Variants in REV3L observed in about 807,000 individuals in gnomAD.
REV3L encodes DNA polymerase zeta catalytic subunit.
A neutral mutation model predicts 299.4 loss-of-function variants in REV3L; 69 were observed. That is an observed-to-expected ratio of 0.23 (90% CI 0.19 to 0.28). REV3L has a LOEUF of 0.28. Ranked by LOEUF, REV3L falls within the 10% of genes least tolerant of loss-of-function variation. The probability of loss-of-function intolerance (pLI) is 1.00; values close to 1 mark genes in which losing one functional copy is unlikely to be tolerated. For synonymous variants in REV3L, 1,238 were observed against 1,271.4 expected (o/e 0.97, Z 0.56); for missense variants, 3,128 against 3,693.8 (o/e 0.85, Z 3.97).
At chr6:111,395,020 G>A (rs1782344016) in intron 4 of REV3L, among the ~76,000 whole-genome samples, 1 of 152,082 alleles carries the variant, frequency 6.6e-6, no homozygotes, top group South Asian at 2.1e-4. Context: ...CCAACACCAT[G>A]CTGATTTGGT....
chr6:111,401,437 C>T (rs1783073806), intron 4 of REV3L, among the ~76,000 whole-genome samples: 2 of 152,150 alleles, frequency 1.3e-5, no homozygotes, highest in African/African-American at 4.8e-5. Context: ...AAGTTATTTG[C>T]TCACATACTT....
intron 1 of REV3L, among the ~76,000 whole-genome samples, chr6:111,422,649 C>CACATATATATATATACACAT: frequency 4.4e-5 from 1 of 22,506 alleles, no homozygotes; most frequent in Non-Finnish European, 1.1e-4. Flanking sequence ...TATATATATA[C>CACATATATATATATACACAT]ATATATATAT....
Position 111,450,607 on chromosome 6 carries a change from A to AAAAAC in REV3L, c.139+32138_139+32142dup, listed in dbSNP as rs1232618663. Among the ~76,000 whole-genome samples, 3 of 152,134 alleles carry AAAAAC rather than the reference A, an allele frequency of 2.0e-5. No individual in the cohort carries two copies. In the South Asian group the frequency reaches 6.2e-4, roughly 31 times the overall value. On this transcript the variant is annotated intron_variant, in intron 1 of 31. Coordinates refer to ENST00000368802, the MANE Select transcript of REV3L (RefSeq NM_001372078.1). ...GGTAAGTGCTATATACAATTACCAA[A>AAAAAC]AAAACAAAACAAAACAAAAAAGGTA...
rs1779373803 is a variant in REV3L at position 111,367,753 on chromosome 6, G to A, written c.6035C>T (p.Ala2012Val). Residue 2012 changes from alanine to valine, a missense_variant, in exon 14 of 32, where the codon GCC becomes GTC. Ala to Val is a moderately conservative substitution (Grantham distance 64, BLOSUM62 0). Coordinates refer to ENST00000368802, the MANE Select transcript of REV3L (RefSeq NM_001372078.1). ...SRQLVQVWLQAKEEYERSKKL... is the reference protein window; with the variant it reads ...SRQLVQVWLQVKEEYERSKKL... Reference sequence around the variant, plus strand: ...CTTGGAACGTTCGTATTCTTCTTTGGCTTGAAGCCACACTTGAACCAGTTG... The same window carrying A: ...CTTGGAACGTTCGTATTCTTCTTTGACTTGAAGCCACACTTGAACCAGTTG... 6.2e-7 allele frequency: 1 copy of A among 1,614,036 alleles called. No individual in the cohort carries two copies. Among genetic ancestry groups the A allele is most frequent in the Non-Finnish European group, 8.5e-7 (1 of 1,180,030 alleles).
intron 12 of REV3L, 144 bp downstream of exon 12, chr6:111,377,557 G>A (rs1310272192): frequency 1.5e-5 from 12 of 815,136 alleles, no homozygotes; most frequent in Middle Eastern, 3.7e-4. Context: ...GGCTGGTCTC[G>A]AACTCCTGAA....
In REV3L at chr6:111,373,684, T is replaced by C; in HGVS notation, c.4671A>G (p.Pro1557=). 6.2e-7 allele frequency: 1 copy of C among 1,614,010 alleles called. No homozygotes were observed. Among genetic ancestry groups the C allele is most frequent in the Non-Finnish European group, 8.5e-7 (1 of 1,179,988 alleles). ...TQDPLSNKHQ[P]NKNISGSLEH... is the part of the protein sequence containing the mutation. The stretch of plus-strand genomic sequence containing the variant: ...CAAGGGAACCAGAAATATTTTTATT[T>C]GGTTGATGTTTATTGGATAATGGGT... The change falls in exon 13 of 32, where the codon CCA becomes CCG. Residue 1557 remains proline (P), a synonymous_variant. Transcript: ENST00000368802.
intron 1 of REV3L, among the ~76,000 whole-genome samples, chr6:111,457,690 A>G (rs1018233576): frequency 6.6e-6 from 1 of 152,156 alleles, no homozygotes; most frequent in African/African-American, 2.4e-5. Flanking sequence ...AAAGCAGAAC[A>G]AAGCATACAA....
intron 1 of REV3L, among the ~76,000 whole-genome samples, chr6:111,446,353 G>A (rs1788830481): frequency 6.6e-6 from 1 of 152,148 alleles, no homozygotes. Context: ...AATAATGCTA[G>A]TGTAAATTAG....
At chr6:111,397,930 T>C (rs1782694686) in intron 4 of REV3L, among the ~76,000 whole-genome samples, 1 of 151,718 alleles carries the variant, frequency 6.6e-6, no homozygotes, top group Non-Finnish European at 1.5e-5. Context: ...GGCTCTAAAG[T>C]AAAGTTTAAA....
chr6:111,396,275 C>T (rs1474139555), intron 4 of REV3L, among the ~76,000 whole-genome samples: 1 of 152,094 alleles, frequency 6.6e-6, no homozygotes, highest in Non-Finnish European at 1.5e-5. Flanking sequence ...GATCTACCCA[C>T]TTCAGCCTTC....
intron 30 of REV3L, 127 bp from the exon 31 acceptor site, chr6:111,307,697 G>A: frequency 1.2e-6 from 1 of 822,250 alleles, no homozygotes; most frequent in South Asian, 1.6e-5. Flanking sequence ...CAAATGTTGA[G>A]TAGCTACTAT....
rs763523281 is a variant in REV3L at position 111,482,799 on chromosome 6, G to T, written c.90C>A (p.Ala30=). 14 of 1,502,444 alleles carry T rather than the reference G, an allele frequency of 9.3e-6. No individual in the cohort carries two copies. In the East Asian group the frequency reaches 2.4e-4, roughly 26 times the overall value. 93.1% of individuals were successfully genotyped at this position (1,502,444 alleles called of 1,614,324 possible). The change falls in exon 1 of 32, where the codon GCC becomes GCA. Residue 30 remains alanine, a synonymous_variant. Transcript: ENST00000368802. ...GCACCACCGGCACCTTCTTGACAGG[G>T]GCCTGGGTGAGGGGGGATTGGCAGG... is the stretch of plus-strand genomic sequence containing the variant. ...LDTCQSPLTQ[A]PVKKVPVVRV... is the part of the protein sequence containing the mutation.
At chr6:111,450,165 GA>G (rs1242441474) in intron 1 of REV3L, among the ~76,000 whole-genome samples, 2 of 152,014 alleles carry the variant, frequency 1.3e-5, no homozygotes, top group Non-Finnish European at 2.9e-5. Context: ...ATGAAGCACA[GA>G]AAAAGCCTGA....
intron 25 of REV3L, among the ~76,000 whole-genome samples, chr6:111,323,710 T>C (rs926291025): frequency 5.3e-5 from 8 of 152,184 alleles, no homozygotes; most frequent in African/African-American, 1.9e-4. Context: ...ATTAAACTCA[T>C]TAAAGCTAAG....
At chr6:111,327,201 A>G (rs902581334) in intron 25 of REV3L, among the ~76,000 whole-genome samples, 1 of 152,212 alleles carries the variant, frequency 6.6e-6, no homozygotes, top group Non-Finnish European at 1.5e-5. Context: ...CATTATTACT[A>G]AAATACATTA....
At chr6:111,384,410 A>C (rs1329941271) in intron 9 of REV3L, among the ~76,000 whole-genome samples, 1 of 152,202 alleles carries the variant, frequency 6.6e-6, no homozygotes, top group African/African-American at 2.4e-5. Flanking sequence ...TAAAAAATCT[A>C]ATAATCCAAT....
chr6:111,457,784 C>CA (rs1790320592), intron 1 of REV3L, among the ~76,000 whole-genome samples: 1 of 151,948 alleles, frequency 6.6e-6, no homozygotes, highest in South Asian at 2.1e-4. Context: ...AAATGAAATA[C>CA]ATGAAGAGAC....
intron 5 of REV3L, among the ~76,000 whole-genome samples, chr6:111,391,034 T>C (rs1353258180): frequency 6.6e-6 from 1 of 152,082 alleles, no homozygotes; most frequent in Non-Finnish European, 1.5e-5. Flanking sequence ...TGATGACATA[T>C]TTCATTAACT....
rs780964695 is a variant in REV3L at position 111,376,545 on chromosome 6, T to C, written c.1810A>G (p.Lys604Glu). The C allele has an allele frequency of 6.2e-7, 1 of 1,612,200 alleles. No homozygotes were observed. Among genetic ancestry groups the C allele is most frequent in the Non-Finnish European group, 8.5e-7 (1 of 1,179,568 alleles). Reference protein sequence around the residue: ...DLIEDLSQTNKNTEKGLDNSV... With the variant: ...DLIEDLSQTNENTEKGLDNSV... The stretch of plus-strand genomic sequence containing the variant: ...TTATCTAGACCTTTTTCTGTATTTT[T>C]GTTTGTCTGTGAAAGGTCTTCAATT... The change falls in exon 13 of 32, where the codon AAA becomes GAA. Residue 604 changes from lysine to glutamate, a missense_variant. Physicochemically the swap from Lys to Glu is moderately conservative, Grantham distance 56. This residue lies in a region of REV3L where 2,409 missense variants were observed against 2,611.8 expected (regional missense o/e 0.92). Coordinates refer to ENST00000368802, the MANE Select transcript of REV3L (RefSeq NM_001372078.1).
Sources: allele counts gnomAD v4.1 joint callset (sites outside exome capture counted in the v4.1 genomes callset), GRCh38; gene constraint gnomAD v4.1.1; regional missense constraint gnomAD v4.1.1; transcripts MANE v1.5; gene names NCBI Gene and HGNC (gene_info 2026-07-23, HGNC 2026-07-21).